GRIN2B: variants seen among roughly 807,000 people sequenced by gnomAD.
GRIN2B encodes the protein glutamate ionotropic receptor NMDA type subunit 2B, also known as glutamate receptor ionotropic, NMDA 2B.
A neutral mutation model predicts 114.5 loss-of-function variants in GRIN2B; 5 were observed. That is an observed-to-expected ratio of 0.04 (90% CI 0.02 to 0.09). The LOEUF is 0.09. GRIN2B is among the 10% of genes least tolerant of loss of function. The pLI is 1.00. For synonymous variants in GRIN2B, 787 were observed against 745.1 expected (o/e 1.06, Z -0.92); for missense variants, 1,108 against 1,943.5 (o/e 0.57, Z 8.08).
chr12:13,895,887 G>A (rs1221284391), intron 2 of GRIN2B, among the ~76,000 whole-genome samples: 1 of 152,038 alleles, frequency 6.6e-6, no homozygotes, highest in Non-Finnish European at 1.5e-5. Flanking sequence ...ATTAATCATG[G>A]TACTATGGTA....
chr12:13,579,612 A>C lies in GRIN2B; in HGVS notation c.2011-7648T>G, dbSNP rs3794309. ...TCATCATCTTCATCATCGCCATTGG[A>C]AGCAACTGAAGAACTCTGCCAGAAT... On this transcript the variant is annotated intron_variant, in intron 10 of 13. Transcript: ENST00000609686. Among the ~76,000 whole-genome samples the C allele has an allele frequency of 0.011, 1,607 of 152,236 alleles. 53 individuals carry two copies. In the East Asian group the frequency reaches 0.12, roughly 11 times the overall value.
At position 13,538,390 on chromosome 12, in the gene GRIN2B, T is replaced by G. The variant is rs1948236815; in HGVS notation, c.*24393A>C. On this transcript the variant is annotated 3_prime_UTR_variant, in exon 14 of 14. Transcript: ENST00000609686. ...GACACTTGGCATAGTCTCAGGAAGT[T>G]CTGGCACTCACCCTTGTCATTGGAG... The G allele has an allele frequency of 6.6e-6, 1 of 152,276 alleles. No individual in the cohort carries two copies. 9.4% of individuals were successfully genotyped at this position (152,276 alleles called of 1,614,324 possible).
At chr12:13,924,491 G>C (rs1028232081) in intron 2 of GRIN2B, among the ~76,000 whole-genome samples, 18 of 152,108 alleles carry the variant, frequency 1.2e-4, no homozygotes, top group African/African-American at 4.3e-4. Context: ...TCTGGCTTTT[G>C]GGAGAAGAAG....
At chr12:13,796,885 C>T (rs2136670680) in intron 3 of GRIN2B, among the ~76,000 whole-genome samples, 1 of 152,282 alleles carries the variant, frequency 6.6e-6, no homozygotes, top group African/African-American at 2.4e-5. Flanking sequence ...TCCTAATTAC[C>T]TGTCATGCCT....
intron 4 of GRIN2B, among the ~76,000 whole-genome samples, chr12:13,695,437 A>G (rs1591681382): frequency 6.6e-6 from 1 of 152,274 alleles, no homozygotes; most frequent in South Asian, 2.1e-4. Flanking sequence ...GTGGGGAGCA[A>G]GCTTCAGGCT....
At chr12:13,642,273 A>AT (rs1193583925) in intron 5 of GRIN2B, among the ~76,000 whole-genome samples, 1 of 152,130 alleles carries the variant, frequency 6.6e-6, no homozygotes, top group East Asian at 1.9e-4. Flanking sequence ...ACCCCAACTC[A>AT]TTATTTTGAT....
intron 3 of GRIN2B, among the ~76,000 whole-genome samples, chr12:13,852,031 T>C (rs146098612): frequency 6.6e-6 from 1 of 152,232 alleles, no homozygotes; most frequent in Non-Finnish European, 1.5e-5. Flanking sequence ...TGCTGAAAGG[T>C]TAAAGGCTGC....
chr12:13,699,590 A>G (rs978942441), intron 4 of GRIN2B, among the ~76,000 whole-genome samples: 7 of 151,922 alleles, frequency 4.6e-5, no homozygotes, highest in African/African-American at 1.7e-4. Context: ...AGGAAAAAAA[A>G]TAATTTTTTT....
intron 4 of GRIN2B, among the ~76,000 whole-genome samples, chr12:13,706,097 T>C (rs1950357565): frequency 6.6e-6 from 1 of 152,134 alleles, no homozygotes; most frequent in South Asian, 2.1e-4. Context: ...TAAACAATTC[T>C]CTACCTTGGC....
chr12:13,573,710 C>CCAA (rs1948736661), intron 10 of GRIN2B, among the ~76,000 whole-genome samples: 1 of 152,162 alleles, frequency 6.6e-6, no homozygotes, highest in African/African-American at 2.4e-5. Flanking sequence ...ATCTAACCTG[C>CCAA]CAACTCAGGA....
intron 3 of GRIN2B, among the ~76,000 whole-genome samples, chr12:13,861,216 C>A (rs920019993): frequency 3.9e-5 from 6 of 152,116 alleles, no homozygotes; most frequent in African/African-American, 1.4e-4. Flanking sequence ...TCTTATGATG[C>A]AGAATTGTAT....
intron 2 of GRIN2B, among the ~76,000 whole-genome samples, chr12:13,912,213 C>T (rs1866637275): frequency 6.6e-6 from 1 of 152,010 alleles, no homozygotes; most frequent in African/African-American, 2.4e-5. Context: ...ACTCTGGGTG[C>T]AATCTAAAAA....
intron 4 of GRIN2B, among the ~76,000 whole-genome samples, chr12:13,698,662 C>T (rs946590292): frequency 7.9e-5 from 12 of 152,124 alleles, no homozygotes; most frequent in African/African-American, 2.9e-4. Flanking sequence ...CATCCGCATA[C>T]AGTACTACAT....
At chr12:13,759,623 G>A (rs1191367573) in intron 3 of GRIN2B, among the ~76,000 whole-genome samples, 1 of 152,152 alleles carries the variant, frequency 6.6e-6, no homozygotes, top group East Asian at 1.9e-4. Context: ...CAACGCCAAT[G>A]TCCACTTGCA....
chr12:13,624,981 C>A (rs1288345426), intron 5 of GRIN2B, among the ~76,000 whole-genome samples: 1 of 152,184 alleles, frequency 6.6e-6, no homozygotes, highest in African/African-American at 2.4e-5. Context: ...GTTGTTGATT[C>A]TCTCAGCACC....
intron 3 of GRIN2B, among the ~76,000 whole-genome samples, chr12:13,794,218 A>AAG (rs1449893854): frequency 3.3e-5 from 5 of 151,142 alleles, no homozygotes; most frequent in East Asian, 3.9e-4. Flanking sequence ...AAAAAAAAAA[A>AAG]AAAAAGAAAA....
chr12:13,748,389 A>G (rs1330035480), intron 4 of GRIN2B, among the ~76,000 whole-genome samples: 1 of 152,224 alleles, frequency 6.6e-6, no homozygotes, highest in Non-Finnish European at 1.5e-5. Context: ...ATCAGAGATT[A>G]CAGAGTACAT....
intron 5 of GRIN2B, among the ~76,000 whole-genome samples, chr12:13,642,012 AC>A (rs1949721854): frequency 6.6e-6 from 1 of 151,956 alleles, no homozygotes; most frequent in Non-Finnish European, 1.5e-5. Context: ...ATGTGATGAA[AC>A]CCTGTCTCTA....
intron 2 of GRIN2B, among the ~76,000 whole-genome samples, chr12:13,893,613 T>G (rs1047239729): frequency 2.0e-5 from 3 of 152,138 alleles, no homozygotes; most frequent in Admixed American, 2.0e-4. Context: ...TGTGAAAAGA[T>G]AGACAAACGT....
Sources: gnomAD v4.1 joint callset for allele counts (sites outside exome capture counted in the v4.1 genomes callset) on GRCh38, gnomAD v4.1.1 for gene constraint, MANE v1.5 for transcripts, NCBI Gene and HGNC (gene_info 2026-07-23, HGNC 2026-07-21) for gene names.